Variants in RARA observed in about 807,000 individuals in gnomAD.
The protein encoded by RARA is PML-DDX5-RARA fusion.
RARA carries 5 observed loss-of-function variants against 42.8 expected under a neutral mutation model. That is an observed-to-expected ratio of 0.12 (90% CI 0.06 to 0.25). RARA has a LOEUF of 0.25. Among genes scored for constraint, RARA ranks in the 10% least tolerant of loss-of-function variants. The pLI is 1.00. For missense variants in RARA, 402 were observed against 628.7 expected (o/e 0.64, Z 3.86); for synonymous variants, 256 against 259.5 (o/e 0.99, Z 0.13).
chr17:40,321,094 G>C (rs1046003663), intron 1 of RARA, among the ~76,000 whole-genome samples: 11 of 152,140 alleles, frequency 7.2e-5, no homozygotes, highest in African/African-American at 2.4e-4. Context: ...CACAGTTTGT[G>C]GGGGGATGCA....
intron 1 of RARA, among the ~76,000 whole-genome samples, chr17:40,327,945 G>A (rs2033590413): frequency 6.6e-6 from 1 of 152,318 alleles, no homozygotes; most frequent in Admixed American, 6.5e-5. Flanking sequence ...TCTCAGCCTA[G>A]GAGGGAATTG....
Position 40,356,300 on chromosome 17 carries a change from C to A in RARA, c.*74C>A. The A allele has an allele frequency of 7.0e-7, 1 of 1,433,706 alleles. No homozygotes were observed. Among genetic ancestry groups the A allele is most frequent in the Non-Finnish European group, 9.6e-7 (1 of 1,047,104 alleles). 88.8% of individuals were successfully genotyped at this position (1,433,706 alleles called of 1,614,324 possible). A position where few individuals can be genotyped will look rare whatever the true frequency, so the allele number is the denominator to read the frequency against. ...TCTGCCTTTCTACCGACCATGTGAC[C>A]CCGCACCAGCCCTGCCCCCACCTGC... On this transcript the variant is annotated 3_prime_UTR_variant, in exon 9 of 9. Coordinates refer to ENST00000254066, the MANE Select transcript of RARA (RefSeq NM_000964.4).
chr17:40,324,314 G>A (rs1598541877), intron 1 of RARA, among the ~76,000 whole-genome samples: 1 of 151,246 alleles, frequency 6.6e-6, no homozygotes, highest in East Asian at 1.9e-4. Context: ...TTCCTTCCCT[G>A]TGGGTTGGTC....
rs115248059 is a variant in RARA at position 40,357,329 on chromosome 17, C to T, written c.*1103C>T. On this transcript the variant is annotated 3_prime_UTR_variant, in exon 9 of 9. Transcript: ENST00000254066. Reference sequence around the variant, plus strand: ...GGCCCCCAGACACCACACACATGCGCGTGCGCACACACACAAACACACACA... The same window carrying T: ...GGCCCCCAGACACCACACACATGCGTGTGCGCACACACACAAACACACACA... 9.8e-4 allele frequency: 230 copies of T among 235,078 alleles called. No homozygotes were observed. The highest frequency in any genetic ancestry group is 4.4e-3 in the African/African-American group (201 of 45,280). 14.6% of individuals were successfully genotyped at this position (235,078 alleles called of 1,614,324 possible). A position where few individuals can be genotyped will look rare whatever the true frequency, so the allele number is the denominator to read the frequency against.
Position 40,331,322 on chromosome 17 carries a change from T to A in RARA, c.104T>A (p.Leu35His). 6.2e-7 allele frequency: 1 copy of A among 1,613,950 alleles called. No homozygotes were observed. The highest frequency in any genetic ancestry group is 8.5e-7 in the Non-Finnish European group (1 of 1,179,946). Residue 35 changes from leucine (L) to histidine (H), a missense_variant, in exon 2 of 9, where the codon CTC (leucine) becomes CAC (histidine). Physicochemically the swap from Leu to His is moderately conservative, Grantham distance 99. Coordinates refer to ENST00000254066, the MANE Select transcript of RARA (RefSeq NM_000964.4). ...AFFFPPMLGG[L>H]SPPGALTTLQ... ...TTCTTCCCCCCTATGCTGGGTGGAC[T>A]CTCCCCGCCAGGCGCTCTGACCACT...
rs777686617 is a variant in RARA at position 40,352,526 on chromosome 17, G to GC, written c.807+24dup. 3.8e-6 allele frequency: 6 copies of GC among 1,568,462 alleles called. No individual in the cohort carries two copies. The Admixed American group carries it at 1.1e-4, about 28-fold the overall frequency. ...CATCCTGGTGAGGGTCTGCACCCTG[G>GC]CCCCCAGGCACTGCCCCTGTGTCCT... On this transcript the variant is annotated intron_variant, in intron 6 of 8. Coordinates refer to ENST00000254066, the MANE Select transcript of RARA (RefSeq NM_000964.4). The surrounding 1 kb of genome is among the most constrained non-coding windows in gnomAD (Gnocchi z 4.9).
In RARA at chr17:40,345,883, C is replaced by A. The variant is rs1199800762; in HGVS notation, c.179-2433C>A. Among the ~76,000 whole-genome samples the A allele has an allele frequency of 1.3e-5, 2 of 152,188 alleles. No homozygotes were observed. The highest frequency in any genetic ancestry group is 2.9e-5 in the Non-Finnish European group (2 of 68,030). On this transcript the variant is annotated intron_variant, in intron 2 of 8. Coordinates refer to ENST00000254066, the MANE Select transcript of RARA (RefSeq NM_000964.4). This position sits in a 1 kb window ranked among gnomAD's most constrained non-coding sequence, Gnocchi z 4.8. The stretch of plus-strand genomic sequence containing the variant: ...CGGCCTTGGTCCTTGTACCTCACCT[C>A]CTTGGACTGCTGGCTGGAGGCCTGG...
At chr17:40,332,044 C>CT (rs1434051247) in intron 2 of RARA, among the ~76,000 whole-genome samples, 1 of 152,212 alleles carries the variant, frequency 6.6e-6, no homozygotes, top group African/African-American at 2.4e-5. Flanking sequence ...TTGGCAGGGC[C>CT]TGTGTTTTCC....
intron 1 of RARA, among the ~76,000 whole-genome samples, chr17:40,314,611 G>A (rs958571353): frequency 1.3e-5 from 2 of 151,880 alleles, no homozygotes; most frequent in South Asian, 2.1e-4. Context: ...AGACATTGCT[G>A]GCCCCAGAAT....
chr17:40,338,063 C>T (rs983499392), intron 2 of RARA, among the ~76,000 whole-genome samples: 1 of 152,204 alleles, frequency 6.6e-6, no homozygotes, highest in Non-Finnish European at 1.5e-5. Context: ...AAGGATAATG[C>T]ACAGGTTCCC....
intron 1 of RARA, among the ~76,000 whole-genome samples, chr17:40,325,018 C>G (rs1402556328): frequency 6.6e-6 from 1 of 151,764 alleles, no homozygotes; most frequent in African/African-American, 2.4e-5. Flanking sequence ...TTTGGGAGGC[C>G]GAGGCGGGCA....
chr17:40,355,242 G>T lies in RARA; in HGVS notation c.1013-21G>T, dbSNP rs374743129. The T allele has an allele frequency of 7.1e-6, 11 of 1,551,910 alleles. No individual in the cohort carries two copies. Among genetic ancestry groups the T allele is most frequent in the African/African-American group, 1.4e-5 (1 of 73,162 alleles). On this transcript the variant is annotated intron_variant, in intron 7 of 8. Transcript: ENST00000254066. The surrounding 1 kb of genome is among the most constrained non-coding windows in gnomAD (Gnocchi z 4.1). ...TGCAGCTGTGTTCCCAGCTGCTCAG[G>T]GGGTGGTTCTGCTTCCTCAGACCGC...
chr17:40,325,035 C>A (rs1006175248), intron 1 of RARA, among the ~76,000 whole-genome samples: 1 of 151,794 alleles, frequency 6.6e-6, no homozygotes, highest in Non-Finnish European at 1.5e-5. Context: ...GGCAGATCAC[C>A]GTGTCAGGAG....
intron 1 of RARA, among the ~76,000 whole-genome samples, chr17:40,325,252 A>AAAATAAATAAATAAAT (rs10689341): frequency 2.1e-5 from 3 of 141,608 alleles, no homozygotes; most frequent in East Asian, 2.1e-4. Flanking sequence ...CTCCATCTCA[A>AAAATAAATAAATAAAT]AAATAAATAA....
chr17:40,324,276 C>T (rs1316042592), intron 1 of RARA, among the ~76,000 whole-genome samples: 1 of 152,122 alleles, frequency 6.6e-6, no homozygotes, highest in African/African-American at 2.4e-5. Context: ...CCTCAGTAGG[C>T]TCATCTCTTC....
chr17:40,335,843 A>G (rs1435639175), intron 2 of RARA, among the ~76,000 whole-genome samples: 1 of 152,006 alleles, frequency 6.6e-6, no homozygotes, highest in Non-Finnish European at 1.5e-5. Context: ...GCCTCTACCA[A>G]AGAGAAGAAA....
chr17:40,312,608 G>T (rs1437688004), intron 1 of RARA, among the ~76,000 whole-genome samples: 2 of 152,200 alleles, frequency 1.3e-5, no homozygotes, highest in African/African-American at 2.4e-5. Flanking sequence ...AGGGCCAGAG[G>T]GGCAGAAGAC....
chr17:40,317,660 A>C (rs1372379123), intron 1 of RARA, among the ~76,000 whole-genome samples: 1 of 147,172 alleles, frequency 6.8e-6, no homozygotes, highest in Non-Finnish European at 1.5e-5. Context: ...GTTTGGGGAA[A>C]GAAGAGATAT....
At chr17:40,342,548 A>C in intron 2 of RARA, 4 of 1,304,742 alleles carry the variant, frequency 3.1e-6, no homozygotes, top group Non-Finnish European at 1.9e-6. Context: ...AGACGCGGGG[A>C]CTTCAGGGCA....
Sources: gnomAD v4.1 joint callset for allele counts (sites outside exome capture counted in the v4.1 genomes callset) on GRCh38, gnomAD v4.1.1 for gene constraint, Gnocchi (gnomAD v3.1) non-coding constraint, MANE v1.5 for transcripts, NCBI Gene and HGNC (gene_info 2026-07-23, HGNC 2026-07-21) for gene names.